COL23A1: variants seen among roughly 807,000 people sequenced by gnomAD.
COL23A1 encodes the protein collagen alpha-1(XXIII) chain.
In COL23A1, 97 loss-of-function variants were observed where a neutral mutation model predicts 99.3. That is an observed-to-expected ratio of 0.98 (90% CI 0.83 to 1.16). The LOEUF (loss-of-function observed/expected upper bound fraction) is 1.16. Ranked by LOEUF, COL23A1 falls within the 50% of genes most tolerant of loss-of-function variation. The probability of loss-of-function intolerance (pLI) is 0.00; values close to 1 mark genes in which losing one functional copy is unlikely to be tolerated. For missense variants in COL23A1, 762 were observed against 757.4 expected (o/e 1.01, Z -0.07); for synonymous variants, 320 against 308.2 (o/e 1.04, Z -0.40).
intron 2 of COL23A1, among the ~76,000 whole-genome samples, chr5:178,471,514 C>T (rs1446719659): frequency 1.7e-5 from 2 of 120,526 alleles, no homozygotes; most frequent in African/African-American, 3.4e-5. Context: ...GCTCGGATTA[C>T]GGGTGTGAGC....
At chr5:178,532,170 C>T (rs1760685921) in intron 2 of COL23A1, among the ~76,000 whole-genome samples, 1 of 152,232 alleles carries the variant, frequency 6.6e-6, no homozygotes, top group Non-Finnish European at 1.5e-5. Context: ...AAAGCTGAGC[C>T]TCCAACTGAG....
intron 2 of COL23A1, among the ~76,000 whole-genome samples, chr5:178,402,641 A>C (rs1173337354): frequency 2.6e-5 from 4 of 152,080 alleles, no homozygotes; most frequent in African/African-American, 7.2e-5. Flanking sequence ...AGTCGCAGCT[A>C]CTTGGGAGGC....
At chr5:178,290,501 C>A in intron 3 of COL23A1, 132 bp from the exon 4 acceptor site, 1 of 1,203,298 alleles carries the variant, frequency 8.3e-7, no homozygotes, top group South Asian at 1.2e-5. Context: ...TTGATGCTGC[C>A]ATGGCTGTTT....
In COL23A1 at chr5:178,310,694, T is replaced by C. The variant is rs1022886258; in HGVS notation, c.362-3775A>G. Among the ~76,000 whole-genome samples the C allele has an allele frequency of 6.6e-6, 1 of 152,088 alleles. No homozygotes were observed. Among genetic ancestry groups the C allele is most frequent in the Non-Finnish European group, 1.5e-5 (1 of 68,012 alleles). Reference sequence around the variant, plus strand: ...ATGTGGTCCCTTTGCTGGGGCTGGCTGTGCCCCAGGGCATCTGGGCCTGGT... The same window carrying C: ...ATGTGGTCCCTTTGCTGGGGCTGGCCGTGCCCCAGGGCATCTGGGCCTGGT... On this transcript the variant is annotated intron_variant, in intron 2 of 28. Transcript: ENST00000390654. The surrounding 1 kb of genome is among the most constrained non-coding windows in gnomAD (Gnocchi z 4.3).
At chr5:178,333,375 C>G (rs1405185656) in intron 2 of COL23A1, among the ~76,000 whole-genome samples, 1 of 152,164 alleles carries the variant, frequency 6.6e-6, no homozygotes, top group Non-Finnish European at 1.5e-5. Context: ...TAAGTTCCAG[C>G]TCTTGATGAT....
chr5:178,579,718 C>A (rs1163460689), intron 1 of COL23A1, among the ~76,000 whole-genome samples: 1 of 152,122 alleles, frequency 6.6e-6, no homozygotes, highest in Non-Finnish European at 1.5e-5. Context: ...TCCCAAAGTG[C>A]TGGGATTACA....
At chr5:178,262,527 G>A (rs534463908) in intron 9 of COL23A1, among the ~76,000 whole-genome samples, 7 of 152,266 alleles carry the variant, frequency 4.6e-5, no homozygotes, top group African/African-American at 1.7e-4. Flanking sequence ...TTTGACTGGG[G>A]GGGGACCCTG....
At chr5:178,463,967 G>A (rs112020170) in intron 2 of COL23A1, among the ~76,000 whole-genome samples, 11 of 152,272 alleles carry the variant, frequency 7.2e-5, no homozygotes, top group East Asian at 1.9e-4. Context: ...CCGGGCGTGA[G>A]CACAACCACA....
At chr5:178,448,829 C>T (rs570141722) in intron 2 of COL23A1, among the ~76,000 whole-genome samples, 50 of 152,090 alleles carry the variant, frequency 3.3e-4, no homozygotes, top group African/African-American at 1.1e-3. Context: ...CCTCACCCCA[C>T]GAGGATCAGC....
Position 178,262,102 on chromosome 5 carries a change from A to G in COL23A1, c.675+115T>C, listed in dbSNP as rs1397276007. 9 of 1,123,646 alleles carry G rather than the reference A, an allele frequency of 8.0e-6. No individual in the cohort carries two copies. The African/African-American group carries it at 1.0e-4, about 13-fold the overall frequency. The allele number at this position is 1,123,646 out of a possible 1,614,324, so 69.6% of individuals were successfully genotyped here. On this transcript the variant is annotated intron_variant, in intron 10 of 28. Transcript: ENST00000390654. ...GACACGTACATGCAGAGGCGCGCGC[A>G]CACACATAAACATGTGCGCGTGACC... is the stretch of plus-strand genomic sequence containing the variant.
At chr5:178,347,749 C>T (rs1200785894) in intron 2 of COL23A1, among the ~76,000 whole-genome samples, 6 of 151,642 alleles carry the variant, frequency 4.0e-5, no homozygotes, top group Non-Finnish European at 7.4e-5. Flanking sequence ...GGCGCACTGG[C>T]GGGCGCCTAT....
rs1765253908 is a variant in COL23A1 at position 178,255,509 on chromosome 5, A to G, written c.883-483T>C. On this transcript the variant is annotated intron_variant, in intron 15 of 28. Transcript: ENST00000390654. This position sits in a 1 kb window ranked among gnomAD's most constrained non-coding sequence, Gnocchi z 4.2. ...GGTGCATGTCAGCATGCCCATGTCCATATGCTGCACACTCATTGTGCACAC... is the reference window on the plus strand; with the variant it reads ...GGTGCATGTCAGCATGCCCATGTCCGTATGCTGCACACTCATTGTGCACAC... Among the ~76,000 whole-genome samples the G allele has an allele frequency of 6.6e-6, 1 of 151,964 alleles. No homozygotes were observed. Among genetic ancestry groups the G allele is most frequent in the African/African-American group, 2.4e-5 (1 of 41,344 alleles).
intron 26 of COL23A1, 89 bp from the exon 27 acceptor site, chr5:178,242,217 C>G: frequency 6.9e-7 from 1 of 1,447,072 alleles, no homozygotes; most frequent in Non-Finnish European, 9.5e-7. Context: ...GTGGGGCCAG[C>G]CTCCCCCTGC....
intron 8 of COL23A1, among the ~76,000 whole-genome samples, chr5:178,266,769 C>A (rs531101818): frequency 6.6e-6 from 1 of 152,226 alleles, no homozygotes; most frequent in South Asian, 2.1e-4. Context: ...GCGGAGCAGG[C>A]GCCCGGCCAG....
At chr5:178,455,183 C>CG (rs891175207) in intron 2 of COL23A1, among the ~76,000 whole-genome samples, 23 of 152,302 alleles carry the variant, frequency 1.5e-4, no homozygotes, top group African/African-American at 2.4e-4. Context: ...GCAATCTTTC[C>CG]GGGGGGGACA....
intron 19 of COL23A1, 67 bp downstream of exon 19, chr5:178,249,050 G>A (rs1460545505): frequency 6.6e-7 from 1 of 1,526,248 alleles, no homozygotes; most frequent in Non-Finnish European, 9.1e-7. Context: ...CACAGCACGG[G>A]GGGCACACAG....
chr5:178,394,905 G>A (rs111821264), intron 2 of COL23A1, among the ~76,000 whole-genome samples: 843 of 146,406 alleles, frequency 5.8e-3, no homozygotes, highest in African/African-American at 0.019. Context: ...TGTCCTCCGA[G>A]AGTCTCTCCC....
At chr5:178,403,383 T>C (rs1243185266) in intron 2 of COL23A1, among the ~76,000 whole-genome samples, 1 of 152,192 alleles carries the variant, frequency 6.6e-6, no homozygotes, top group Non-Finnish European at 1.5e-5. Flanking sequence ...TCCCTCAATA[T>C]GGCGCTAAAA....
At chr5:178,478,048 G>C (rs1757125514) in intron 2 of COL23A1, among the ~76,000 whole-genome samples, 1 of 152,236 alleles carries the variant, frequency 6.6e-6, no homozygotes, top group African/African-American at 2.4e-5. Flanking sequence ...TCTAGCCTCG[G>C]AGAGAACAGG....
Sources: gnomAD v4.1 joint callset for allele counts (sites outside exome capture counted in the v4.1 genomes callset) on GRCh38, gnomAD v4.1.1 for gene constraint, Gnocchi (gnomAD v3.1) non-coding constraint, MANE v1.5 for transcripts, NCBI Gene and HGNC (gene_info 2026-07-23, HGNC 2026-07-21) for gene names.